The following MS4A14 variants were observed in gnomAD, a reference collection of about 807,000 sequenced individuals.
MS4A14 encodes membrane spanning 4-domains A14, also known as membrane-spanning 4-domains subfamily A member 14.
In MS4A14, 18 loss-of-function variants were observed where a neutral mutation model predicts 16.7. The ratio of observed to expected loss-of-function variants is 1.08; its 90% CI spans 0.75 to 1.60. The LOEUF (loss-of-function observed/expected upper bound fraction) is 1.60, where lower values mean the gene tolerates loss of function less well. Among genes scored for constraint, MS4A14 ranks in the 40% most tolerant of loss-of-function variants. The pLI is 0.00. For missense variants in MS4A14, 812 were observed against 775.3 expected, an observed-to-expected ratio of 1.05 and a Z score of -0.56; for synonymous variants, 305 against 289.4, an observed-to-expected ratio of 1.05 and a Z score of -0.55.
intron 4 of MS4A14, among the ~76,000 whole-genome samples, chr11:60,412,943 C>T (rs745734603): frequency 5.9e-5 from 9 of 151,882 alleles, no homozygotes; most frequent in Non-Finnish European, 1.3e-4. Context: ...AAACAATTTA[C>T]TTCTTAGTAA....
intron 4 of MS4A14, among the ~76,000 whole-genome samples, chr11:60,407,099 C>A (rs73481204): frequency 0.068 from 9,457 of 139,844 alleles, 340 homozygotes; most frequent in South Asian, 0.21. Flanking sequence ...ACTGCAGCCT[C>A]AATCTCCTGG....
chr11:60,408,480 C>T (rs1310987479), intron 4 of MS4A14, among the ~76,000 whole-genome samples: 2 of 152,096 alleles, frequency 1.3e-5, no homozygotes, highest in African/African-American at 2.4e-5. Flanking sequence ...TCCTGATTGC[C>T]CCTGGTACCC....
chr11:60,407,199 T>C (rs989529009), intron 4 of MS4A14, among the ~76,000 whole-genome samples: 2 of 151,996 alleles, frequency 1.3e-5, no homozygotes, highest in Admixed American at 1.3e-4. Flanking sequence ...TTGTATTTTT[T>C]TTGTAGAAAT....
At chr11:60,401,159 C>T (rs1216041328) in intron 3 of MS4A14, among the ~76,000 whole-genome samples, 1 of 152,154 alleles carries the variant, frequency 6.6e-6, no homozygotes, top group Non-Finnish European at 1.5e-5. Flanking sequence ...TGAGACATTA[C>T]TGATAAAAGG....
chr11:60,401,708 T>C (rs1590808039), intron 3 of MS4A14, among the ~76,000 whole-genome samples: 1 of 152,174 alleles, frequency 6.6e-6, no homozygotes, highest in East Asian at 1.9e-4. Context: ...ATGTTCTTTG[T>C]AAAGCCCAAT....
In MS4A14 at chr11:60,415,774, C is replaced by T. The variant is rs1458923856; in HGVS notation, c.806C>T (p.Ser269Phe). Residue 269 changes from serine (S) to phenylalanine (F), a missense_variant, in exon 5 of 5, where the codon TCT (serine) becomes TTT (phenylalanine). Ser to Phe is a radical substitution (Grantham distance 155). Transcript: ENST00000300187. ...GAAAATATGTCCATTCAGCTAGACTCTACATTTAAACAAATGAAAGATGAA... is the reference window on the plus strand; with the variant it reads ...GAAAATATGTCCATTCAGCTAGACTTTACATTTAAACAAATGAAAGATGAA... ...PSENMSIQLD[S>F]TFKQMKDEDL... The T allele has an allele frequency of 6.2e-7, 1 of 1,613,882 alleles. No individual in the cohort carries two copies.
intron 4 of MS4A14, among the ~76,000 whole-genome samples, chr11:60,406,374 G>A (rs1373060): frequency 0.72 from 109,218 of 152,124 alleles, 39,245 homozygotes; most frequent in Middle Eastern, 0.82. Context: ...AAAAAAAGCT[G>A]TTACTACTGA....
Position 60,416,897 on chromosome 11 carries a change from T to C in MS4A14, c.1929T>C (p.Asp643=). ...AAGTGCCAAAACTGTTATGCCAAGA[T>C]TCAGAATCCCAAATACAGCAATACC... ...VEKVPKLLCQ[D]SESQIQQYQF... Residue 643 remains aspartate, a synonymous_variant, in exon 5 of 5, where the codon GAT becomes GAC. Coordinates refer to ENST00000300187, the MANE Select transcript of MS4A14 (RefSeq NM_032597.5). 5 of 1,613,714 alleles carry C rather than the reference T, an allele frequency of 3.1e-6. No individual in the cohort carries two copies. Among genetic ancestry groups the C allele is most frequent in the Non-Finnish European group, 4.2e-6 (5 of 1,179,784 alleles).
At position 60,417,163 on chromosome 11, in the gene MS4A14, A is replaced by G; in HGVS notation, c.*155A>G. The G allele has an allele frequency of 1.2e-6, 1 of 853,668 alleles. No homozygotes were observed. Among genetic ancestry groups the G allele is most frequent in the Non-Finnish European group, 1.7e-6 (1 of 578,058 alleles). 52.9% of individuals were successfully genotyped at this position (853,668 alleles called of 1,614,324 possible). On this transcript the variant is annotated 3_prime_UTR_variant, in exon 5 of 5. Coordinates refer to ENST00000300187, the MANE Select transcript of MS4A14 (RefSeq NM_032597.5). ...AGCACGCAACAGCCCAACATAACCTAGAATGTCAAGACACTCAAGATAAAG... is the reference window on the plus strand; with the variant it reads ...AGCACGCAACAGCCCAACATAACCTGGAATGTCAAGACACTCAAGATAAAG...
In MS4A14 at chr11:60,397,885, G is replaced by C; in HGVS notation, c.172G>C (p.Gly58Arg). 6.2e-7 allele frequency: 1 copy of C among 1,611,804 alleles called. No individual in the cohort carries two copies. The highest frequency in any genetic ancestry group is 8.5e-7 in the Non-Finnish European group (1 of 1,178,506). Residue 58 changes from glycine (G) to arginine (R), a missense_variant, in exon 2 of 5, where the codon GGC (glycine) becomes CGC (arginine). Physicochemically the swap from Gly to Arg is moderately radical, Grantham distance 125. Coordinates refer to ENST00000300187, the MANE Select transcript of MS4A14 (RefSeq NM_032597.5). ...TQILLALIIV[G>R]FGTIFALNYI... ...GATCCTGCTTGCTCTAATCATTGTG[G>C]GCTTTGGAACTATATTTGCACTTAA...
intron 4 of MS4A14, 130 bp from the exon 5 acceptor site, chr11:60,415,307 T>C (rs996536573): frequency 2.1e-6 from 2 of 958,978 alleles, no homozygotes; most frequent in Non-Finnish European, 1.5e-6. Flanking sequence ...GGCATTCGTT[T>C]TCTGCCTTCT....
chr11:60,417,114 C>T lies in MS4A14; in HGVS notation c.*106C>T. ...GAGAAAGAAGCCCTAAAGCAGAAAGCTCTATACCAAGAAGTCCAAACCCAG... is the reference window on the plus strand; with the variant it reads ...GAGAAAGAAGCCCTAAAGCAGAAAGTTCTATACCAAGAAGTCCAAACCCAG... On this transcript the variant is annotated 3_prime_UTR_variant, in exon 5 of 5. Transcript: ENST00000300187. 8.5e-6 allele frequency: 12 copies of T among 1,409,308 alleles called. No homozygotes were observed. The highest frequency in any genetic ancestry group is 1.1e-5 in the Non-Finnish European group (12 of 1,064,746). The allele number at this position is 1,409,308 out of a possible 1,614,324, so 87.3% of individuals were successfully genotyped here.
At chr11:60,406,178 C>T (rs1277510116) in intron 4 of MS4A14, among the ~76,000 whole-genome samples, 3 of 152,202 alleles carry the variant, frequency 2.0e-5, no homozygotes, top group Non-Finnish European at 4.4e-5. Context: ...TCTGAAACAA[C>T]TATGCTTTCC....
intron 2 of MS4A14, 160 bp downstream of exon 2, chr11:60,398,140 A>AAAGTTT: frequency 1.6e-6 from 1 of 610,656 alleles, no homozygotes; most frequent in Admixed American, 3.2e-5. Flanking sequence ...TGGTCACTGC[A>AAAGTTT]CTACCATCAT....
chr11:60,417,060 T>C lies in MS4A14; in HGVS notation c.*52T>C. 2 of 1,558,266 alleles carry C rather than the reference T, an allele frequency of 1.3e-6. No individual in the cohort carries two copies. Among genetic ancestry groups the C allele is most frequent in the Non-Finnish European group, 1.7e-6 (2 of 1,156,590 alleles). ...AAAGCACGAGAATGGCAATTTGAAA[T>C]GAAGCACTGGCAAACACAGGATCTA... On this transcript the variant is annotated 3_prime_UTR_variant, in exon 5 of 5. Transcript: ENST00000300187.
At chr11:60,413,044 T>C (rs762853665) in intron 4 of MS4A14, among the ~76,000 whole-genome samples, 3 of 151,990 alleles carry the variant, frequency 2.0e-5, no homozygotes, top group Non-Finnish European at 4.4e-5. Context: ...TTATTTACAA[T>C]GTATAAGCCT....
chr11:60,408,380 G>C (rs541722608), intron 4 of MS4A14, among the ~76,000 whole-genome samples: 3 of 152,082 alleles, frequency 2.0e-5, no homozygotes, highest in African/African-American at 7.2e-5. Context: ...TAATAATGTT[G>C]TGTAACTCTC....
Position 60,397,844 on chromosome 11 carries a change from C to A in MS4A14, c.139-8C>A, listed in dbSNP as rs1257696801. ...TGTAACCTCATGTACCCATTTCTCT[C>A]CTCACAGGCTACCCAGATCCTGCTT... On this transcript the variant is annotated splice_region_variant and splice_polypyrimidine_tract_variant and intron_variant, in intron 1 of 4. Coordinates refer to ENST00000300187, the MANE Select transcript of MS4A14 (RefSeq NM_032597.5). 1.2e-6 allele frequency: 2 copies of A among 1,610,802 alleles called. No individual in the cohort carries two copies. The highest frequency in any genetic ancestry group is 2.7e-5 in the African/African-American group (2 of 74,628).
chr11:60,415,028 T>C (rs190565707), intron 4 of MS4A14, among the ~76,000 whole-genome samples: 42 of 151,844 alleles, frequency 2.8e-4, no homozygotes, highest in African/African-American at 9.9e-4. Context: ...GTACAGATAG[T>C]TGTGAGCACC....
Sources: gnomAD v4.1 joint callset for allele counts (sites outside exome capture counted in the v4.1 genomes callset) on GRCh38, gnomAD v4.1.1 for gene constraint, MANE v1.5 for transcripts, NCBI Gene and HGNC (gene_info 2026-07-23, HGNC 2026-07-21) for gene names.